The following PHLPP2 variants were observed in gnomAD, a reference collection of about 807,000 sequenced individuals.
PHLPP2 encodes the protein PH domain leucine-rich repeat-containing protein phosphatase 2.
In PHLPP2, 66 loss-of-function variants were observed where a neutral mutation model predicts 124.9. The observed-to-expected ratio is 0.53, with a 90% CI of 0.43 to 0.65. The LOEUF is 0.65. Among genes scored for constraint, PHLPP2 ranks in the 30% least tolerant of loss-of-function variants. The pLI is 0.00. For synonymous variants in PHLPP2, 681 were observed against 624.7 expected, an observed-to-expected ratio of 1.09 and a Z score of -1.34; for missense variants, 1,685 against 1,600.4, an observed-to-expected ratio of 1.05 and a Z score of -0.90.
At chr16:71,702,793 T>G in intron 2 of PHLPP2, 62 bp from the exon 3 acceptor site, 3 of 820,824 alleles carry the variant, frequency 3.7e-6, no homozygotes, top group Non-Finnish European at 3.4e-6. Flanking sequence ...TTCATTTAAT[T>G]TTTTAGTATT....
Position 71,672,286 on chromosome 16 carries a change from A to G in PHLPP2, c.1508T>C (p.Leu503Pro). 1 of 1,613,788 alleles carries G rather than the reference A, an allele frequency of 6.2e-7. No individual in the cohort carries two copies. Among genetic ancestry groups the G allele is most frequent in the Non-Finnish European group, 8.5e-7 (1 of 1,179,660 alleles). Residue 503 changes from leucine to proline, a missense_variant, in exon 10 of 19, where the codon CTG becomes CCG. Coordinates refer to ENST00000568954, the MANE Select transcript of PHLPP2 (RefSeq NM_015020.3). ...TAVNVYPVPS[L>P]LTFLDLSRNL... is the part of the protein sequence containing the mutation. ...CCGGGAGAGATCCAAGAAAGTGAGC[A>G]GGCTGGGTACTGGATAGACGTTCAC... is the stretch of plus-strand genomic sequence containing the variant.
rs537593364 is a variant in PHLPP2 at position 71,657,349 on chromosome 16, A to G, written c.2280-668T>C. Among the ~76,000 whole-genome samples the G allele has an allele frequency of 2.1e-3, 312 of 151,836 alleles. 1 individual carries two copies. Among genetic ancestry groups the G allele is most frequent in the Non-Finnish European group, 3.0e-3 (206 of 67,940 alleles). On this transcript the variant is annotated intron_variant, in intron 15 of 18. Coordinates refer to ENST00000568954, the MANE Select transcript of PHLPP2 (RefSeq NM_015020.3). ...CACCTTGGCCCCTCAAAGTGCTGGA[A>G]TTACAGGCGTGAGCCACCACGCCCG...
intron 14 of PHLPP2, 140 bp downstream of exon 14, chr16:71,658,513 C>T (rs2044760608): frequency 6.8e-6 from 8 of 1,172,058 alleles, no homozygotes; most frequent in Middle Eastern, 2.0e-4. Flanking sequence ...AACTGGAGCA[C>T]ATAAGAAGAC....
Position 71,669,360 on chromosome 16 carries a change from C to A in PHLPP2, c.1543G>T (p.Glu515Ter). 1 of 1,609,502 alleles carries A rather than the reference C, an allele frequency of 6.2e-7. No homozygotes were observed. Among genetic ancestry groups the A allele is most frequent in the Non-Finnish European group, 8.5e-7 (1 of 1,177,764 alleles). The change falls in exon 11 of 19, where the codon GAG (glutamate) becomes TAG (stop). Residue 515 changes from glutamate (E) to a stop codon, truncating the protein, a stop_gained. Transcript: ENST00000568954. LOFTEE classifies it high-confidence loss of function. ...TCACAGGCCCAGTCAGGGACACACT[C>A]TAGCAGGTTTCTGCAGAAAATAAAT... ...TFLDLSRNLL[E>*]CVPDWACEAK... is the part of the protein sequence containing the mutation.
intron 13 of PHLPP2, among the ~76,000 whole-genome samples, chr16:71,661,679 C>A (rs775523376): frequency 2.2e-4 from 34 of 152,126 alleles, no homozygotes; most frequent in Admixed American, 5.2e-4. Context: ...TGTTTTAATT[C>A]TTTCAAGGAG....
chr16:71,653,133 T>G, intron 17 of PHLPP2, 112 bp from the exon 18 acceptor site: 1 of 665,806 alleles, frequency 1.5e-6, no homozygotes, highest in Non-Finnish European at 2.5e-6. Context: ...CATGTGATCG[T>G]GAACCAGCCT....
rs558239578 is a variant in PHLPP2 at position 71,714,578 on chromosome 16, G to A, written c.218C>T (p.Ala73Val). 1.4e-5 allele frequency: 22 copies of A among 1,614,118 alleles called. No individual in the cohort carries two copies. The East Asian group carries it at 4.5e-4, about 33-fold the overall frequency. The change falls in exon 2 of 19, where the codon GCA (alanine) becomes GTA (valine). Residue 73 changes from alanine (A) to valine (V), a missense_variant. By Grantham distance (64) the Ala-to-Val change is moderately conservative. Coordinates refer to ENST00000568954, the MANE Select transcript of PHLPP2 (RefSeq NM_015020.3). ...HLVLCTVETPASEICAGEGRE... is the reference protein window; with the variant it reads ...HLVLCTVETPVSEICAGEGRE... ...TCCCTCTCCAGCACATATTTCTGATGCTGGTGTCTCTACAGTGCAAAGGAC... is the reference window on the plus strand; with the variant it reads ...TCCCTCTCCAGCACATATTTCTGATACTGGTGTCTCTACAGTGCAAAGGAC...
rs922570587 is a variant in PHLPP2, at chr16:71,646,895, A to T, written c.*1995T>A. 2 of 152,422 alleles carry T rather than the reference A, an allele frequency of 1.3e-5. No homozygotes were observed. Among genetic ancestry groups the T allele is most frequent in the African/African-American group, 4.8e-5 (2 of 41,438 alleles). 9.4% of individuals were successfully genotyped at this position (152,422 alleles called of 1,614,324 possible). ...AGTTCAGATTCTCGAGGGGTTGAAC[A>T]TTAGACATCCATTAGAGTGTACCAA... is the stretch of plus-strand genomic sequence containing the variant. On this transcript the variant is annotated 3_prime_UTR_variant, in exon 19 of 19. Coordinates refer to ENST00000568954, the MANE Select transcript of PHLPP2 (RefSeq NM_015020.3).
At chr16:71,667,506 C>T (rs1266665829) in intron 11 of PHLPP2, among the ~76,000 whole-genome samples, 173 bp from the exon 12 acceptor site, 1 of 152,144 alleles carries the variant, frequency 6.6e-6, no homozygotes, top group African/African-American at 2.4e-5. Flanking sequence ...CATATGTTTA[C>T]CTACCACCCA....
At chr16:71,690,281 T>A (rs368477758) in intron 4 of PHLPP2, among the ~76,000 whole-genome samples, 5 of 152,328 alleles carry the variant, frequency 3.3e-5, no homozygotes, top group African/African-American at 1.2e-4. Flanking sequence ...CTGGCTATTG[T>A]GAGCCCCAGA....
Position 71,647,571 on chromosome 16 carries a change from C to G in PHLPP2, c.*1319G>C, listed in dbSNP as rs1405300691. 1 of 152,246 alleles carries G rather than the reference C, an allele frequency of 6.6e-6. No individual in the cohort carries two copies. Among genetic ancestry groups the G allele is most frequent in the Non-Finnish European group, 1.5e-5 (1 of 68,068 alleles). The allele number at this position is 152,246 out of a possible 1,614,324, so 9.4% of individuals were successfully genotyped here. A position where few individuals can be genotyped will look rare whatever the true frequency, so the allele number is the denominator to read the frequency against. On this transcript the variant is annotated 3_prime_UTR_variant, in exon 19 of 19. Transcript: ENST00000568954. ...CATTGGCCTCAGTCCGTTTCAGAGT[C>G]ATCTGCCATAACTTAAGGTCACGTG...
At position 71,652,822 on chromosome 16, in the gene PHLPP2, T is replaced by C. The variant is rs1287731245; in HGVS notation, c.2785A>G (p.Arg929Gly). Residue 929 changes from arginine to glycine, a missense_variant, in exon 18 of 19, where the codon AGG becomes GGG. Coordinates refer to ENST00000568954, the MANE Select transcript of PHLPP2 (RefSeq NM_015020.3). ...SLEQDPEEAQ[R>G]VKDQKAIITE... ...ATGATGGCTTTTTGGTCCTTCACCCTTTGAGCCTCCTCTGGGTCCTGCTCC... is the reference window on the plus strand; with the variant it reads ...ATGATGGCTTTTTGGTCCTTCACCCCTTGAGCCTCCTCTGGGTCCTGCTCC... The C allele has an allele frequency of 6.2e-7, 1 of 1,614,096 alleles. No homozygotes were observed. Among genetic ancestry groups the C allele is most frequent in the Non-Finnish European group, 8.5e-7 (1 of 1,179,960 alleles).
In PHLPP2 at chr16:71,702,359, G is replaced by A. The variant is rs2045240310; in HGVS notation, c.418+239C>T. On this transcript the variant is annotated intron_variant, in intron 3 of 18. Coordinates refer to ENST00000568954, the MANE Select transcript of PHLPP2 (RefSeq NM_015020.3). ...CTGGCAAAGGTATAAAATAATGCTA[G>A]TAAGTTAGCAAAATACAAGTGCAAA... Among the ~76,000 whole-genome samples, 2 of 152,142 alleles carry A rather than the reference G, an allele frequency of 1.3e-5. 1 individual carries two copies. The highest frequency in any genetic ancestry group is 4.1e-4 in the South Asian group (2 of 4,824).
At position 71,669,265 on chromosome 16, in the gene PHLPP2, G is replaced by A. The variant is rs779320583; in HGVS notation, c.1628+10C>T. The A allele has an allele frequency of 7.0e-6, 11 of 1,565,798 alleles. No individual in the cohort carries two copies. In the South Asian group the frequency reaches 1.2e-4, roughly 17 times the overall value. On this transcript the variant is annotated intron_variant, in intron 11 of 18. Transcript: ENST00000568954. ...GTATATACATAATATATGCATCCAG[G>A]CACACATACCTCACGGGAACCTCTG...
rs1444812076 is a variant in PHLPP2 at position 71,649,261 on chromosome 16, A to G, written c.3601T>C (p.Ser1201Pro). Residue 1201 changes from serine (S) to proline (P), a missense_variant, in exon 19 of 19, where the codon TCG (serine) becomes CCG (proline). Coordinates refer to ENST00000568954, the MANE Select transcript of PHLPP2 (RefSeq NM_015020.3). ...TLCSEEHARG[S>P]CFGIRRQNSV... ...TTCTGTCTTCGGATCCCAAAACACG[A>G]CCCTCTAGCATGTTCCTCAGAACAC... The G allele has an allele frequency of 2.5e-6, 4 of 1,613,626 alleles. No individual in the cohort carries two copies. Among genetic ancestry groups the G allele is most frequent in the East Asian group, 2.2e-5 (1 of 44,870 alleles).
rs1224060573 is a variant in PHLPP2, at chr16:71,648,881, G to C, written c.*9C>G. On this transcript the variant is annotated 3_prime_UTR_variant, in exon 19 of 19. Coordinates refer to ENST00000568954, the MANE Select transcript of PHLPP2 (RefSeq NM_015020.3). ...ACAGCCTCCTCCCACACTGTGCCCA[G>C]TGGGGCAGTCATAGTGCTGTGTCGA... is the stretch of plus-strand genomic sequence containing the variant. The C allele has an allele frequency of 6.2e-7, 1 of 1,602,272 alleles. No individual in the cohort carries two copies. The highest frequency in any genetic ancestry group is 8.5e-7 in the Non-Finnish European group (1 of 1,171,348).
chr16:71,716,395 CA>C (rs1437991274), intron 1 of PHLPP2, among the ~76,000 whole-genome samples: 1 of 151,708 alleles, frequency 6.6e-6, no homozygotes, highest in Admixed American at 6.6e-5. Flanking sequence ...TGCCCTGTTT[CA>C]AAAAAAATTA....
chr16:71,688,098 A>G (rs1363774595), intron 4 of PHLPP2, among the ~76,000 whole-genome samples: 1 of 152,180 alleles, frequency 6.6e-6, no homozygotes, highest in African/African-American at 2.4e-5. Flanking sequence ...CACCTCTGAC[A>G]CTGAGGAACT....
chr16:71,670,221 C>T (rs190782890), intron 10 of PHLPP2, among the ~76,000 whole-genome samples: 31 of 152,230 alleles, frequency 2.0e-4, no homozygotes, highest in Non-Finnish European at 2.9e-5. Context: ...CTGGAGCACC[C>T]GGAGGAGACG....
Sources: allele counts gnomAD v4.1 joint callset (sites outside exome capture counted in the v4.1 genomes callset), GRCh38; gene constraint gnomAD v4.1.1; transcripts MANE v1.5; gene names NCBI Gene and HGNC (gene_info 2026-07-23, HGNC 2026-07-21).